Variants in LRP1B observed in about 807,000 individuals in gnomAD.
The protein encoded by LRP1B is LDL receptor related protein 1B, also known as low-density lipoprotein receptor-related protein 1B.
A neutral mutation model predicts 556.6 loss-of-function variants in LRP1B; 217 were observed. That is an observed-to-expected ratio of 0.39 (90% CI 0.35 to 0.44). The LOEUF (loss-of-function observed/expected upper bound fraction) is 0.44, where lower values mean the gene tolerates loss of function less well. Ranked by LOEUF, LRP1B falls within the 20% of genes least tolerant of loss-of-function variation. LRP1B has a pLI of 1.00. For synonymous variants in LRP1B, 2,047 were observed against 1,865.8 expected (o/e 1.10, Z -2.50); for missense variants, 5,053 against 5,620.8 (o/e 0.90, Z 3.23).
At chr2:141,706,732 CA>C (rs1287499690) in intron 2 of LRP1B, among the ~76,000 whole-genome samples, 1 of 151,498 alleles carries the variant, frequency 6.6e-6, no homozygotes, top group Non-Finnish European at 1.5e-5. Flanking sequence ...CTCGTTAGGC[CA>C]AAAAAGTATG....
At position 140,442,514 on chromosome 2, in the gene LRP1B, C is replaced by T. The variant is rs1686475565; in HGVS notation, c.10404G>A (p.Glu3468=). 6.2e-7 allele frequency: 1 copy of T among 1,612,522 alleles called. No individual in the cohort carries two copies. Among genetic ancestry groups the T allele is most frequent in the Non-Finnish European group, 8.5e-7 (1 of 1,179,250 alleles). ...EDPDCADASD[E]ANCDKKTCGP... ...GTCACAGACACTCACCGCAGTTGGCCTCGTCTGATGCATCTGCACAGTCTG... is the reference window on the plus strand; with the variant it reads ...GTCACAGACACTCACCGCAGTTGGCTTCGTCTGATGCATCTGCACAGTCTG... The change falls in exon 66 of 91, where the codon GAG becomes GAA. Residue 3468 remains glutamate, a synonymous_variant. Coordinates refer to ENST00000389484, the MANE Select transcript of LRP1B (RefSeq NM_018557.3).
At chr2:141,374,094 T>C (rs1689339661) in intron 3 of LRP1B, among the ~76,000 whole-genome samples, 1 of 152,114 alleles carries the variant, frequency 6.6e-6, no homozygotes, top group Non-Finnish European at 1.5e-5. Flanking sequence ...AAGACTTTAT[T>C]TCTTCTTCAT....
chr2:141,664,649 G>C (rs1350189005), intron 2 of LRP1B, among the ~76,000 whole-genome samples: 1 of 152,024 alleles, frequency 6.6e-6, no homozygotes, highest in Non-Finnish European at 1.5e-5. Context: ...AGCTAACAAA[G>C]GAAGCGAAGG....
chr2:141,679,866 TGA>T (rs1411323734), intron 2 of LRP1B, among the ~76,000 whole-genome samples: 6 of 151,294 alleles, frequency 4.0e-5, no homozygotes, highest in African/African-American at 1.5e-4. Context: ...TATATAGATA[TGA>T]GATATAAAAA....
At chr2:141,231,275 G>T (rs950995314) in intron 5 of LRP1B, among the ~76,000 whole-genome samples, 3 of 152,224 alleles carry the variant, frequency 2.0e-5, no homozygotes, top group African/African-American at 7.2e-5. Flanking sequence ...CATGGGCCAG[G>T]ATATCAGGCA....
chr2:140,886,548 T>C (rs1245278353), intron 23 of LRP1B, among the ~76,000 whole-genome samples: 1 of 152,104 alleles, frequency 6.6e-6, no homozygotes, highest in Non-Finnish European at 1.5e-5. Context: ...TTTTATTCCT[T>C]GGATTTACAT....
intron 3 of LRP1B, among the ~76,000 whole-genome samples, chr2:141,451,629 A>T (rs1476778358): frequency 1.1e-4 from 17 of 151,572 alleles, no homozygotes; most frequent in Non-Finnish European, 2.4e-4. Context: ...TATACGTTAT[A>T]AAAAAAACTG....
chr2:141,714,518 G>A (rs1324173197), intron 2 of LRP1B, among the ~76,000 whole-genome samples: 2 of 147,094 alleles, frequency 1.4e-5, no homozygotes, highest in African/African-American at 5.0e-5. Context: ...ATATTAAAAG[G>A]TTCAAATGGC....
chr2:141,103,563 A>G (rs930199500), intron 7 of LRP1B, among the ~76,000 whole-genome samples: 1 of 143,636 alleles, frequency 7.0e-6, no homozygotes, highest in Non-Finnish European at 1.5e-5. Context: ...GATTGAAAAC[A>G]AGAGGTAAAA....
At chr2:141,195,941 C>T (rs192768229) in intron 6 of LRP1B, among the ~76,000 whole-genome samples, 6 of 152,056 alleles carry the variant, frequency 3.9e-5, no homozygotes, top group African/African-American at 1.4e-4. Flanking sequence ...AGATGCTAGC[C>T]ATGTGGAATT....
chr2:142,124,532 GT>G (rs960763440), intron 1 of LRP1B, among the ~76,000 whole-genome samples: 3 of 151,380 alleles, frequency 2.0e-5, no homozygotes, highest in Admixed American at 6.6e-5. Context: ...ATATATTTAA[GT>G]TTTTTTTAAT....
intron 1 of LRP1B, among the ~76,000 whole-genome samples, chr2:141,834,205 T>A (rs1207767317): frequency 6.6e-6 from 1 of 151,866 alleles, no homozygotes; most frequent in Non-Finnish European, 1.5e-5. Context: ...CTGAATATTT[T>A]AAAATGGGTT....
intron 35 of LRP1B, among the ~76,000 whole-genome samples, chr2:140,766,346 A>G (rs529194466): frequency 1.3e-5 from 2 of 152,042 alleles, no homozygotes; most frequent in Non-Finnish European, 2.9e-5. Context: ...TATCACCACT[A>G]TAAAGATATT....
At chr2:140,971,314 C>T (rs1396474570) in intron 18 of LRP1B, among the ~76,000 whole-genome samples, 6 of 151,966 alleles carry the variant, frequency 3.9e-5, no homozygotes, top group South Asian at 4.1e-4. Flanking sequence ...CAAGAAACGC[C>T]GATAGCCACC....
chr2:141,382,315 T>G (rs902987940), intron 3 of LRP1B, among the ~76,000 whole-genome samples: 25 of 152,218 alleles, frequency 1.6e-4, no homozygotes, highest in African/African-American at 5.8e-4. Context: ...AGTCTAAGAC[T>G]CTGTGATGGG....
intron 23 of LRP1B, among the ~76,000 whole-genome samples, chr2:140,887,936 T>C (rs943223256): frequency 5.3e-5 from 8 of 152,098 alleles, no homozygotes; most frequent in African/African-American, 1.4e-4. Context: ...GGGGTTTGTT[T>C]TGGGGTGATT....
chr2:140,451,319 A>G (rs1041508300), intron 62 of LRP1B, among the ~76,000 whole-genome samples: 2 of 152,230 alleles, frequency 1.3e-5, no homozygotes, highest in African/African-American at 4.8e-5. Context: ...AAAAGCCTAC[A>G]ATATTTACTA....
At chr2:140,671,494 C>T (rs1294675902) in intron 41 of LRP1B, among the ~76,000 whole-genome samples, 1 of 152,186 alleles carries the variant, frequency 6.6e-6, no homozygotes, top group East Asian at 1.9e-4. Context: ...GCAGTCTAAC[C>T]TGGGCAACAG....
chr2:141,411,147 AT>A (rs1277816705), intron 3 of LRP1B, among the ~76,000 whole-genome samples: 8 of 152,218 alleles, frequency 5.3e-5, no homozygotes, highest in African/African-American at 1.9e-4. Context: ...AATTCAGAAG[AT>A]ACAGACACCA....
Sources: gnomAD v4.1 joint callset for allele counts (sites outside exome capture counted in the v4.1 genomes callset) on GRCh38, gnomAD v4.1.1 for gene constraint, MANE v1.5 for transcripts, NCBI Gene and HGNC (gene_info 2026-07-23, HGNC 2026-07-21) for gene names.